The following ERBB4 variants were observed in gnomAD, a reference collection of about 807,000 sequenced individuals.
The protein encoded by ERBB4 is receptor tyrosine-protein kinase erbB-4.
ERBB4 carries 42 observed loss-of-function variants against 158.0 expected under a neutral mutation model. That is an observed-to-expected ratio of 0.27 (90% CI 0.21 to 0.34). The LOEUF is 0.34. Ranked by LOEUF, ERBB4 falls within the 10% of genes least tolerant of loss-of-function variation. ERBB4 has a pLI of 1.00. For missense variants in ERBB4, 1,333 were observed against 1,624.1 expected (o/e 0.82, Z 3.08); for synonymous variants, 583 against 558.7 (o/e 1.04, Z -0.61).
At chr2:212,322,682 C>A in intron 1 of ERBB4, among the ~76,000 whole-genome samples, 1 of 149,988 alleles carries the variant, frequency 6.7e-6, no homozygotes, top group South Asian at 2.1e-4. Flanking sequence ...AATTAATATG[C>A]CTAGATTACT....
chr2:211,703,983 G>A, intron 11 of ERBB4, 121 bp downstream of exon 11: 1 of 749,560 alleles, frequency 1.3e-6, no homozygotes, highest in Admixed American at 1.9e-5. Context: ...TTGGAAATAA[G>A]GATGGAAGCA....
chr2:212,031,437 T>C (rs1439171607), intron 2 of ERBB4, among the ~76,000 whole-genome samples: 3 of 152,128 alleles, frequency 2.0e-5, no homozygotes, highest in Non-Finnish European at 4.4e-5. Flanking sequence ...ATGCCAGCTA[T>C]TGTTATTTGT....
chr2:212,195,716 C>T (rs2082407228), intron 1 of ERBB4, among the ~76,000 whole-genome samples: 1 of 151,956 alleles, frequency 6.6e-6, no homozygotes, highest in South Asian at 2.1e-4. Context: ...CTTACCATAT[C>T]CCTATACTTA....
At chr2:211,867,248 T>G (rs887694639) in intron 3 of ERBB4, among the ~76,000 whole-genome samples, 3 of 152,176 alleles carry the variant, frequency 2.0e-5, no homozygotes, top group African/African-American at 7.2e-5. Context: ...TTTTTCGGCT[T>G]TGATTCAGCT....
intron 1 of ERBB4, among the ~76,000 whole-genome samples, chr2:212,532,292 T>C (rs1014888513): frequency 3.3e-5 from 5 of 151,910 alleles, no homozygotes; most frequent in African/African-American, 1.2e-4. Flanking sequence ...TGCAGGAGAG[T>C]AGAGGCAACA....
intron 3 of ERBB4, among the ~76,000 whole-genome samples, chr2:211,929,234 AGTGTGT>A (rs10542155): frequency 5.1e-4 from 75 of 148,366 alleles, no homozygotes; most frequent in East Asian, 1.0e-3. Context: ...CTTTGGAATA[AGTGTGT>A]GTGTGTGTGT....
intron 1 of ERBB4, among the ~76,000 whole-genome samples, chr2:212,227,331 A>G (rs1007793912): frequency 6.6e-6 from 1 of 152,232 alleles, no homozygotes; most frequent in East Asian, 1.9e-4. Flanking sequence ...TTCAGGAAGA[A>G]TAATCTCTAC....
Position 212,042,944 on chromosome 2 carries a change from G to A in ERBB4, c.234+81808C>T, listed in dbSNP as rs1270551450. On this transcript the variant is annotated intron_variant, in intron 2 of 27. Coordinates refer to ENST00000342788, the MANE Select transcript of ERBB4 (RefSeq NM_005235.3). Reference sequence around the variant, plus strand: ...AAAGTGGAATTCATTTTACAAGCAAGGCCTATGCCAATAAAATGACTTTTG... The same window carrying A: ...AAAGTGGAATTCATTTTACAAGCAAAGCCTATGCCAATAAAATGACTTTTG... 2.6e-5 allele frequency among the ~76,000 whole-genome samples: 4 copies of A among 152,094 alleles called. No individual in the cohort carries two copies. The South Asian group carries it at 6.2e-4, about 24-fold the overall frequency.
chr2:211,946,749 T>C (rs1235578408), intron 3 of ERBB4, among the ~76,000 whole-genome samples: 1 of 151,934 alleles, frequency 6.6e-6, no homozygotes, highest in Non-Finnish European at 1.5e-5. Flanking sequence ...AGAACTTTCA[T>C]GCACCCTGAG....
At chr2:212,215,764 A>T (rs545630568) in intron 1 of ERBB4, among the ~76,000 whole-genome samples, 1 of 151,438 alleles carries the variant, frequency 6.6e-6, no homozygotes, top group African/African-American at 2.4e-5. Flanking sequence ...TGCATATATT[A>T]TAATTATCTA....
chr2:212,258,129 C>T (rs1369236180), intron 1 of ERBB4, among the ~76,000 whole-genome samples: 2 of 152,000 alleles, frequency 1.3e-5, no homozygotes, highest in African/African-American at 2.4e-5. Context: ...ATTAAATATA[C>T]AGTTATAATT....
At chr2:212,257,511 T>C (rs2084782868) in intron 1 of ERBB4, among the ~76,000 whole-genome samples, 1 of 152,152 alleles carries the variant, frequency 6.6e-6, no homozygotes, top group Non-Finnish European at 1.5e-5. Flanking sequence ...TCAACTCCTA[T>C]CTTCAAGGTC....
intron 19 of ERBB4, among the ~76,000 whole-genome samples, chr2:211,599,781 C>A (rs942960086): frequency 2.6e-5 from 4 of 152,020 alleles, no homozygotes; most frequent in African/African-American, 9.7e-5. Flanking sequence ...GTATTTAAAT[C>A]AAAAAGGATA....
At chr2:211,795,455 T>C (rs1386311816) in intron 3 of ERBB4, among the ~76,000 whole-genome samples, 1 of 151,922 alleles carries the variant, frequency 6.6e-6, no homozygotes, top group Admixed American at 6.6e-5. Flanking sequence ...ATGCTTCTTT[T>C]GAGTATTCAT....
At chr2:211,645,687 T>G (rs1260178872) in intron 16 of ERBB4, among the ~76,000 whole-genome samples, 1 of 151,668 alleles carries the variant, frequency 6.6e-6, no homozygotes, top group Non-Finnish European at 1.5e-5. Flanking sequence ...AGCCGTACTT[T>G]GATGGAACCT....
intron 20 of ERBB4, among the ~76,000 whole-genome samples, chr2:211,544,627 T>G (rs1164162016): frequency 6.6e-6 from 1 of 151,986 alleles, no homozygotes; most frequent in Non-Finnish European, 1.5e-5. Flanking sequence ...ATAATAATGA[T>G]AGCAAAACGT....
At chr2:212,237,731 A>C (rs1450400503) in intron 1 of ERBB4, among the ~76,000 whole-genome samples, 9 of 152,214 alleles carry the variant, frequency 5.9e-5, no homozygotes, top group Non-Finnish European at 1.3e-4. Flanking sequence ...TTTATCTATA[A>C]GTCCCTGACT....
At chr2:211,749,887 G>A (rs895606270) in intron 5 of ERBB4, among the ~76,000 whole-genome samples, 1 of 151,890 alleles carries the variant, frequency 6.6e-6, no homozygotes, top group Non-Finnish European at 1.5e-5. Context: ...TATTGCAGCA[G>A]GAAGAATGAG....
intron 12 of ERBB4, among the ~76,000 whole-genome samples, chr2:211,692,034 T>C (rs1475506582): frequency 6.6e-6 from 1 of 152,158 alleles, no homozygotes; most frequent in Non-Finnish European, 1.5e-5. Context: ...TGAAGGTATA[T>C]TTGAATAGTT....
Sources: allele counts gnomAD v4.1 joint callset (sites outside exome capture counted in the v4.1 genomes callset), GRCh38; gene constraint gnomAD v4.1.1; transcripts MANE v1.5; gene names NCBI Gene and HGNC (gene_info 2026-07-23, HGNC 2026-07-21).